DNAH2: variants seen among roughly 807,000 people sequenced by gnomAD.
The protein encoded by DNAH2 is axonemal beta dynein heavy chain 2.
In DNAH2, 323 loss-of-function variants were observed where a neutral mutation model predicts 523.5. That is an observed-to-expected ratio of 0.62 (90% CI 0.56 to 0.68). The LOEUF (loss-of-function observed/expected upper bound fraction) is 0.68, where lower values mean the gene tolerates loss of function less well. DNAH2 is among the 30% of genes least tolerant of loss of function. DNAH2 has a pLI of 0.00. For synonymous variants in DNAH2, 2,093 were observed against 2,177.4 expected, an observed-to-expected ratio of 0.96 and a Z score of 1.08; for missense variants, 4,907 against 5,701.5, an observed-to-expected ratio of 0.86 and a Z score of 4.49.
At position 7,718,398 on chromosome 17, in the gene DNAH2, A is replaced by G. The variant is rs1169034624; in HGVS notation, c.-416A>G. The G allele has an allele frequency of 1.3e-5, 2 of 152,198 alleles. No homozygotes were observed. Among genetic ancestry groups the G allele is most frequent in the Admixed American group, 6.5e-5 (1 of 15,276 alleles). The allele number at this position is 152,198 out of a possible 1,614,324, so 9.4% of individuals were successfully genotyped here. A position where few individuals can be genotyped will look rare whatever the true frequency, so the allele number is the denominator to read the frequency against. ...GTTTGAAATTCATAACCTGAGATCAATGCCTGTGGCAGCCTGTGGGGATGA... is the reference window on the plus strand; with the variant it reads ...GTTTGAAATTCATAACCTGAGATCAGTGCCTGTGGCAGCCTGTGGGGATGA... On this transcript the variant is annotated 5_prime_UTR_variant, in exon 1 of 86. It removes an upstream start codon present in the reference 5' UTR. Coordinates refer to ENST00000572933, the MANE Select transcript of DNAH2 (RefSeq NM_020877.5).
chr17:7,810,152 T>C (rs2077474507), intron 63 of DNAH2, among the ~76,000 whole-genome samples: 2 of 151,416 alleles, frequency 1.3e-5, no homozygotes, highest in Admixed American at 6.6e-5. Flanking sequence ...CAGCCTTGAC[T>C]TCCTGGGCTC....
rs765861224 is a variant in DNAH2, at chr17:7,768,059, A to C, written c.3835A>C (p.Lys1279Gln). 1.2e-6 allele frequency: 2 copies of C among 1,614,146 alleles called. No homozygotes were observed. The highest frequency in any genetic ancestry group is 1.7e-6 in the Non-Finnish European group (2 of 1,180,040). The change falls in exon 23 of 86, where the codon AAG (lysine) becomes CAG (glutamine). Residue 1279 changes from lysine to glutamine, a missense_variant and splice_region_variant. Lys to Gln is a moderately conservative substitution (Grantham distance 53). Around this residue, in one of 3 missense-constraint regions of DNAH2, gnomAD observed 2,806 missense variants for 3,190.8 expected, o/e 0.88. Coordinates refer to ENST00000572933, the MANE Select transcript of DNAH2 (RefSeq NM_020877.5). ...CCTCACAAAATTAGCCAAAGAGTAT[A>C]AGGTGGGGAGAAACGGCGGGGAGGC... ...RRLTKLAKEY[K>Q]DRNWEIIETT...
At position 7,817,866 on chromosome 17, in the gene DNAH2, T is replaced by C. The variant is rs1423493477; in HGVS notation, c.10236+10T>C. ...CATGGAAGGAGGCCAGGTGTGAGGC[T>C]GGGGGGTCAGGTTAGCCCCCCCCTT... On this transcript the variant is annotated intron_variant, in intron 67 of 85. Coordinates refer to ENST00000572933, the MANE Select transcript of DNAH2 (RefSeq NM_020877.5). The C allele has an allele frequency of 6.2e-7, 1 of 1,611,730 alleles. No individual in the cohort carries two copies. The highest frequency in any genetic ancestry group is 1.7e-5 in the Admixed American group (1 of 59,836).
intron 63 of DNAH2, among the ~76,000 whole-genome samples, chr17:7,813,616 C>A (rs969150891): frequency 1.3e-5 from 2 of 152,056 alleles, no homozygotes; most frequent in Non-Finnish European, 2.9e-5. Flanking sequence ...ATTAAAAATT[C>A]ATTTATTCTG....
intron 12 of DNAH2, among the ~76,000 whole-genome samples, chr17:7,744,148 G>C (rs935491295): frequency 1.3e-5 from 2 of 152,044 alleles, no homozygotes; most frequent in African/African-American, 4.8e-5. Context: ...ACAAAAATTA[G>C]CTGGGCATTG....
rs746669859 is a variant in DNAH2, at chr17:7,819,019, G to C, written c.10771G>C (p.Glu3591Gln). ...AGCCACAGAGGTGACTGAGCAGCTGGAGACCAGTGAGACCACAGAGATCAA... is the reference window on the plus strand; with the variant it reads ...AGCCACAGAGGTGACTGAGCAGCTGCAGACCAGTGAGACCACAGAGATCAA... ...ITATEVTEQL[E>Q]TSETTEINTD... is the part of the protein sequence containing the mutation. Residue 3591 changes from glutamate (E) to glutamine (Q), a missense_variant, in exon 71 of 86, where the codon GAG becomes CAG. By Grantham distance (29) the Glu-to-Gln change is conservative (BLOSUM62 2). This residue lies in a region of DNAH2 where 1,851 missense variants were observed against 2,139.4 expected (regional missense o/e 0.87). Coordinates refer to ENST00000572933, the MANE Select transcript of DNAH2 (RefSeq NM_020877.5). 7 of 1,604,842 alleles carry C rather than the reference G, an allele frequency of 4.4e-6. No homozygotes were observed. The African/African-American group carries it at 6.8e-5, about 15-fold the overall frequency.
chr17:7,774,798 A>G lies in DNAH2; in HGVS notation c.4541A>G (p.Glu1514Gly). The part of the protein sequence containing the change: ...DTLIEMNTIL[E>G]DIQKSLDMYL... ...TTGATAGAAATGAATACAATCCTGG[A>G]AGATATTCAGAAATCTCTGGATATG... Residue 1514 changes from glutamate to glycine, a missense_variant, in exon 29 of 86, where the codon GAA (glutamate) becomes GGA (glycine). This residue lies in a region of DNAH2 where 2,806 missense variants were observed against 3,190.8 expected (regional missense o/e 0.88). Coordinates refer to ENST00000572933, the MANE Select transcript of DNAH2 (RefSeq NM_020877.5). The G allele has an allele frequency of 6.2e-7, 1 of 1,614,216 alleles. No individual in the cohort carries two copies. The highest frequency in any genetic ancestry group is 8.5e-7 in the Non-Finnish European group (1 of 1,180,036).
chr17:7,787,309 A>G (rs1457200813), intron 42 of DNAH2: 1 of 523,692 alleles, frequency 1.9e-6, no homozygotes, highest in East Asian at 3.2e-5. Flanking sequence ...TGCATGAGGC[A>G]GGACCCTCGT....
chr17:7,779,516 C>A, intron 36 of DNAH2, 93 bp downstream of exon 36: 15 of 1,334,450 alleles, frequency 1.1e-5, no homozygotes, highest in Non-Finnish European at 1.4e-5. Context: ...CCCTTCCATG[C>A]GAATGTATAT....
At position 7,798,801 on chromosome 17, in the gene DNAH2, G is replaced by A; in HGVS notation, c.8559+83G>A. 2 of 1,520,160 alleles carry A rather than the reference G, an allele frequency of 1.3e-6. No homozygotes were observed. Among genetic ancestry groups the A allele is most frequent in the Non-Finnish European group, 1.8e-6 (2 of 1,124,346 alleles). 94.2% of individuals were successfully genotyped at this position (1,520,160 alleles called of 1,614,324 possible). ...AGAAGGACCACAGCTCCCAGAATGT[G>A]CCACTGGCACACCCCCACTGCCACA... On this transcript the variant is annotated intron_variant, in intron 55 of 85. Transcript: ENST00000572933. The surrounding 1 kb of genome is among the most constrained non-coding windows in gnomAD (Gnocchi z 5.5).
chr17:7,734,813 C>T, intron 7 of DNAH2, 105 bp downstream of exon 7: 2 of 1,166,218 alleles, frequency 1.7e-6, no homozygotes, highest in Non-Finnish European at 1.2e-6. Context: ...TCTTCGATAG[C>T]ACAGACTGAC....
In DNAH2 at chr17:7,779,347, C is replaced by T. The variant is rs879842510; in HGVS notation, c.5646C>T (p.Gly1882=). The T allele has an allele frequency of 6.8e-6, 11 of 1,614,114 alleles. No homozygotes were observed. Among genetic ancestry groups the T allele is most frequent in the Non-Finnish European group, 9.3e-6 (11 of 1,180,018 alleles). The change falls in exon 36 of 86, where the codon GGC becomes GGT. Residue 1882 remains glycine (G), a synonymous_variant. Coordinates refer to ENST00000572933, the MANE Select transcript of DNAH2 (RefSeq NM_020877.5). The stretch of plus-strand genomic sequence containing the variant: ...GCATCCTGTCTGCCCTGGCTGCCGG[C>T]CTCACCCATTTCCATTTTGATGGCT... ...ILCILSALAA[G]LTHFHFDGFE... is the part of the protein sequence containing the mutation.
rs2076754520 is a variant in DNAH2 at position 7,786,935 on chromosome 17, C to T, written c.6505C>T (p.Pro2169Ser). The T allele has an allele frequency of 6.2e-7, 1 of 1,614,146 alleles. No individual in the cohort carries two copies. Residue 2169 changes from proline to serine, a missense_variant, in exon 42 of 86, where the codon CCC becomes TCC. Transcript: ENST00000572933. The surrounding 1 kb of genome is among the most constrained non-coding windows in gnomAD (Gnocchi z 7.5). ...PDEKWILFDG[P>S]VDTLWIENMN... ...CGAGAAGTGGATCCTGTTCGATGGC[C>T]CCGTGGACACACTGTGGATCGAGAA...
At chr17:7,793,653 C>T (rs2076983920) in intron 48 of DNAH2, among the ~76,000 whole-genome samples, 1 of 151,710 alleles carries the variant, frequency 6.6e-6, no homozygotes, top group African/African-American at 2.4e-5. Context: ...TTAGTGGACA[C>T]AAGGTCCCCA....
chr17:7,832,764 T>A lies in DNAH2; in HGVS notation c.12903+9T>A, dbSNP rs572242044. 1 of 1,613,916 alleles carries A rather than the reference T, an allele frequency of 6.2e-7. No individual in the cohort carries two copies. The highest frequency in any genetic ancestry group is 8.5e-7 in the Non-Finnish European group (1 of 1,180,014). On this transcript the variant is annotated intron_variant, in intron 83 of 85. Coordinates refer to ENST00000572933, the MANE Select transcript of DNAH2 (RefSeq NM_020877.5). The surrounding 1 kb of genome is among the most constrained non-coding windows in gnomAD (Gnocchi z 4.3). Reference sequence around the variant, plus strand: ...CAGCTCGCCAAAACAACGTGAGCAATGTGCAAAGTGTGAGGGGGGGATGTA... The same window carrying A: ...CAGCTCGCCAAAACAACGTGAGCAAAGTGCAAAGTGTGAGGGGGGGATGTA...
rs2077941346 is a variant in DNAH2 at position 7,823,910 on chromosome 17, C to T, written c.11406C>T (p.Phe3802=). The T allele has an allele frequency of 1.2e-6, 2 of 1,613,988 alleles. No individual in the cohort carries two copies. Among genetic ancestry groups the T allele is most frequent in the Non-Finnish European group, 1.7e-6 (2 of 1,180,054 alleles). Reference sequence around the variant, plus strand: ...CCCTGCGCCAGGACCGCGTGGCCTTCTGCGTGACCTCCTTCATCATCACCA... The same window carrying T: ...CCCTGCGCCAGGACCGCGTGGCCTTTTGCGTGACCTCCTTCATCATCACCA... ...VRSLRQDRVA[F]CVTSFIITNL... Residue 3802 remains phenylalanine (F), a synonymous_variant, in exon 75 of 86, where the codon TTC becomes TTT. Coordinates refer to ENST00000572933, the MANE Select transcript of DNAH2 (RefSeq NM_020877.5).
chr17:7,744,031 TC>T (rs2151163251), intron 12 of DNAH2: 1 of 152,338 alleles, frequency 6.6e-6, no homozygotes, highest in Non-Finnish European at 1.5e-5. Flanking sequence ...GGGCTTCCTG[TC>T]CACATAAGAT....
At position 7,776,113 on chromosome 17, in the gene DNAH2, C is replaced by T. The variant is rs1318493066; in HGVS notation, c.4911C>T (p.Asn1637=). The T allele has an allele frequency of 6.2e-7, 1 of 1,613,978 alleles. No homozygotes were observed. Among genetic ancestry groups the T allele is most frequent in the Admixed American group, 1.7e-5 (1 of 60,004 alleles). The change falls in exon 31 of 86, where the codon AAC becomes AAT. Residue 1637 remains asparagine (N), a synonymous_variant. Transcript: ENST00000572933. ...NCHLALRKFL[N]KRDKWVKEWA... ...ACCTGGCCCTCAGGAAGTTCCTCAACAAGAGGGACAAATGGGTGAAGGAGT... is the reference window on the plus strand; with the variant it reads ...ACCTGGCCCTCAGGAAGTTCCTCAATAAGAGGGACAAATGGGTGAAGGAGT...
rs998994338 is a variant in DNAH2 at position 7,797,427 on chromosome 17, G to A, written c.7977G>A (p.Ala2659=). 9.9e-6 allele frequency: 16 copies of A among 1,613,958 alleles called. No individual in the cohort carries two copies. The highest frequency in any genetic ancestry group is 1.3e-5 in the Non-Finnish European group (15 of 1,180,036). ...FRVFSDRLVD[A]ADTEAFMGII... ...TCTTCTCTGACCGGCTGGTTGATGC[G>A]GCAGACACAGAAGCCTTCATGGGCA... is the stretch of plus-strand genomic sequence containing the variant. Residue 2659 remains alanine, a synonymous_variant, in exon 52 of 86, where the codon GCG becomes GCA. Coordinates refer to ENST00000572933, the MANE Select transcript of DNAH2 (RefSeq NM_020877.5).
Sources: gnomAD v4.1 joint callset for allele counts (sites outside exome capture counted in the v4.1 genomes callset) on GRCh38, gnomAD v4.1.1 for gene constraint, gnomAD v4.1.1 regional missense constraint, Gnocchi (gnomAD v3.1) non-coding constraint, MANE v1.5 for transcripts, NCBI Gene and HGNC (gene_info 2026-07-23, HGNC 2026-07-21) for gene names.